The following RASEF variants were observed in gnomAD, a reference collection of about 807,000 sequenced individuals.
The protein encoded by RASEF is ras and EF-hand domain-containing protein.
In RASEF, 68 loss-of-function variants were observed where a neutral mutation model predicts 90.1. The observed-to-expected ratio is 0.75, with a 90% CI of 0.62 to 0.92. RASEF has a LOEUF of 0.92. Ranked by LOEUF, RASEF falls within the 40% of genes least tolerant of loss-of-function variation. The probability of loss-of-function intolerance (pLI) is 0.00; values close to 1 mark genes in which losing one functional copy is unlikely to be tolerated. For synonymous variants in RASEF, 331 were observed against 345.2 expected (o/e 0.96, Z 0.46); for missense variants, 949 against 937.2 (o/e 1.01, Z -0.16).
the RASEF span, among the ~76,000 whole-genome samples, chr9:83,169,578 T>TTGTG: frequency 6.6e-6 from 1 of 151,744 alleles, no homozygotes; most frequent in Non-Finnish European, 1.5e-5. Flanking sequence ...TTTTTGTTTG[T>TTGTG]TTTGTTTGTT....
chr9:83,088,450 G>A, the RASEF span, among the ~76,000 whole-genome samples: 8 of 151,772 alleles, frequency 5.3e-5, no homozygotes, highest in Non-Finnish European at 1.0e-4. Flanking sequence ...TAATAGTGTT[G>A]TTCAAATCTT....
rs542615219 is a variant in RASEF, at chr9:82,981,716, T to A, written c.*961A>T. Reference sequence around the variant, plus strand: ...TCACCACTATTCCAATTCCAGAACATTCTCATCATCGCCCAAAGAAACCAC... The same window carrying A: ...TCACCACTATTCCAATTCCAGAACAATCTCATCATCGCCCAAAGAAACCAC... On this transcript the variant is annotated 3_prime_UTR_variant, in exon 17 of 17. Transcript: ENST00000376447. 2 of 152,270 alleles carry A rather than the reference T, an allele frequency of 1.3e-5. No homozygotes were observed. The highest frequency in any genetic ancestry group is 4.1e-4 in the South Asian group (2 of 4,832). 9.4% of individuals were successfully genotyped at this position (152,270 alleles called of 1,614,324 possible).
chr9:83,029,097 T>C (rs1398047285), intron 1 of RASEF, among the ~76,000 whole-genome samples: 1 of 152,170 alleles, frequency 6.6e-6, no homozygotes, highest in East Asian at 1.9e-4. Flanking sequence ...TTACCACAAA[T>C]ACCTAGGCAG....
the RASEF span, among the ~76,000 whole-genome samples, chr9:83,173,249 G>A: frequency 6.6e-6 from 1 of 151,710 alleles, no homozygotes; most frequent in East Asian, 1.9e-4. Context: ...GATCTGATTG[G>A]TGTCTTGTTG....
the RASEF span, among the ~76,000 whole-genome samples, chr9:83,124,873 A>C: frequency 9.9e-5 from 15 of 152,270 alleles, no homozygotes; most frequent in Non-Finnish European, 2.1e-4. Flanking sequence ...TTCCAAACCC[A>C]GGGGTAGTTA....
the RASEF span, among the ~76,000 whole-genome samples, chr9:83,078,446 C>A: frequency 6.6e-6 from 1 of 152,132 alleles, no homozygotes; most frequent in Non-Finnish European, 1.5e-5. Context: ...GCGGGTGGAT[C>A]ACCTGAGCTC....
At chr9:83,025,095 A>ATTT (rs1393441607) in intron 2 of RASEF, among the ~76,000 whole-genome samples, 107 of 150,836 alleles carry the variant, frequency 7.1e-4, no homozygotes, top group African/African-American at 2.6e-3. Flanking sequence ...ACACATATAA[A>ATTT]TTGTTTTTTT....
At chr9:83,122,825 T>C in the RASEF span, among the ~76,000 whole-genome samples, 13 of 152,326 alleles carry the variant, frequency 8.5e-5, no homozygotes, top group African/African-American at 3.1e-4. Flanking sequence ...AACCAATTTA[T>C]AGTGCACAAA....
At chr9:83,024,147 C>T (rs1003871560) in intron 2 of RASEF, among the ~76,000 whole-genome samples, 49 of 152,170 alleles carry the variant, frequency 3.2e-4, no homozygotes, top group African/African-American at 1.2e-3. Flanking sequence ...TTCCTGAGGT[C>T]TTTGGTAGCT....
At chr9:83,000,870 G>A in intron 10 of RASEF, 26 bp downstream of exon 10, 1 of 1,567,460 alleles carries the variant, frequency 6.4e-7, no homozygotes, top group Non-Finnish European at 8.8e-7. Context: ...AGAAGGCCTA[G>A]GAGAGCAGTG....
chr9:83,092,299 G>A, the RASEF span, among the ~76,000 whole-genome samples: 1 of 151,976 alleles, frequency 6.6e-6, no homozygotes, highest in Non-Finnish European at 1.5e-5. Context: ...TGGGTTCTTG[G>A]TCTCACTGAC....
intron 7 of RASEF, among the ~76,000 whole-genome samples, chr9:83,006,509 A>G (rs1305048220): frequency 2.7e-5 from 4 of 147,096 alleles, no homozygotes; most frequent in Admixed American, 6.8e-5. Flanking sequence ...AAAAATGGTG[A>G]AAAAAAAAAA....
At chr9:83,204,282 G>C in the RASEF span, among the ~76,000 whole-genome samples, 177 of 152,194 alleles carry the variant, frequency 1.2e-3, no homozygotes, top group African/African-American at 4.1e-3. Flanking sequence ...GATACCATGT[G>C]GGGTGAGGCA....
At chr9:83,014,105 G>T (rs957938447) in intron 4 of RASEF, among the ~76,000 whole-genome samples, 1 of 152,162 alleles carries the variant, frequency 6.6e-6, no homozygotes, top group Admixed American at 6.5e-5. Flanking sequence ...CAGTGAATTT[G>T]TGGCTCTAGC....
the RASEF span, among the ~76,000 whole-genome samples, chr9:83,073,241 C>T: frequency 6.6e-6 from 1 of 152,034 alleles, no homozygotes; most frequent in Non-Finnish European, 1.5e-5. Context: ...AATTTATATC[C>T]CCTCTGGAAG....
At chr9:83,194,125 G>A in the RASEF span, among the ~76,000 whole-genome samples, 1 of 152,126 alleles carries the variant, frequency 6.6e-6, no homozygotes, top group African/African-American at 2.4e-5. Flanking sequence ...ACCAGCATTG[G>A]CAAATTACTA....
At chr9:83,104,125 T>TAAGA in the RASEF span, among the ~76,000 whole-genome samples, 10 of 152,182 alleles carry the variant, frequency 6.6e-5, no homozygotes, top group African/African-American at 2.4e-4. Context: ...AAAATTTCTG[T>TAAGA]AAGACTTATT....
the RASEF span, among the ~76,000 whole-genome samples, chr9:83,093,285 C>T: frequency 5.9e-5 from 9 of 152,362 alleles, no homozygotes; most frequent in South Asian, 1.7e-3. Context: ...GCCAGTCCCT[C>T]GCCGTGTGCT....
the RASEF span, among the ~76,000 whole-genome samples, chr9:83,218,782 C>A: frequency 1.3e-5 from 2 of 152,152 alleles, no homozygotes; most frequent in Non-Finnish European, 2.9e-5. Context: ...GCTGAAGCAG[C>A]AGTGTTTGAG....
Sources: allele counts gnomAD v4.1 joint callset (sites outside exome capture counted in the v4.1 genomes callset), GRCh38; gene constraint gnomAD v4.1.1; transcripts MANE v1.5; gene names NCBI Gene and HGNC (gene_info 2026-07-23, HGNC 2026-07-21).